The following ANTXR2 variants were observed in gnomAD, a reference collection of about 807,000 sequenced individuals.
ANTXR2 encodes ANTXR cell adhesion molecule 2, also known as anthrax toxin receptor 2.
In ANTXR2, 44 loss-of-function variants were observed where a neutral mutation model predicts 73.7. The observed-to-expected ratio is 0.60, with a 90% CI of 0.47 to 0.77. The LOEUF is 0.77. Ranked by LOEUF, ANTXR2 falls within the 30% of genes least tolerant of loss-of-function variation. The probability of loss-of-function intolerance (pLI) is 0.00; values close to 1 mark genes in which losing one functional copy is unlikely to be tolerated. For missense variants in ANTXR2, 604 were observed against 592.5 expected, an observed-to-expected ratio of 1.02 and a Z score of -0.20; for synonymous variants, 217 against 205.9, an observed-to-expected ratio of 1.05 and a Z score of -0.46.
At chr4:80,039,869 T>C (rs1458379476) in intron 7 of ANTXR2, among the ~76,000 whole-genome samples, 1 of 152,028 alleles carries the variant, frequency 6.6e-6, no homozygotes, top group Non-Finnish European at 1.5e-5. Flanking sequence ...TCAACCTAGG[T>C]GCTCCTCAAC....
chr4:79,989,390 A>G (rs1730356818), intron 12 of ANTXR2, among the ~76,000 whole-genome samples: 1 of 152,044 alleles, frequency 6.6e-6, no homozygotes, highest in African/African-American at 2.4e-5. Context: ...AATCTAGAAA[A>G]ACATGGGTAA....
At chr4:79,965,377 T>C (rs1008290742) in intron 16 of ANTXR2, among the ~76,000 whole-genome samples, 1 of 152,202 alleles carries the variant, frequency 6.6e-6, no homozygotes, top group Admixed American at 6.5e-5. Context: ...GCATGAAGTT[T>C]GTTTTGCCTT....
chr4:79,921,668 T>C (rs1727592689), intron 16 of ANTXR2, among the ~76,000 whole-genome samples: 1 of 152,074 alleles, frequency 6.6e-6, no homozygotes, highest in Non-Finnish European at 1.5e-5. Flanking sequence ...TCTGAAAGCT[T>C]ACGAATAAAA....
intron 12 of ANTXR2, among the ~76,000 whole-genome samples, chr4:80,003,556 TATA>T (rs764360352): frequency 6.6e-6 from 1 of 151,670 alleles, no homozygotes; most frequent in Non-Finnish European, 1.5e-5. Flanking sequence ...AAACTTAAAG[TATA>T]ATAATAATAA....
chr4:80,039,981 T>C (rs562946233), intron 7 of ANTXR2, among the ~76,000 whole-genome samples: 34 of 152,140 alleles, frequency 2.2e-4, no homozygotes, highest in African/African-American at 7.5e-4. Context: ...TGAACGCAGC[T>C]GGAGACCATT....
At chr4:80,009,729 C>A (rs1377965945) in intron 11 of ANTXR2, among the ~76,000 whole-genome samples, 1 of 151,906 alleles carries the variant, frequency 6.6e-6, no homozygotes, top group African/African-American at 2.4e-5. Context: ...CACCTGTAAT[C>A]CCAGCTACTC....
At chr4:80,072,287 G>A (rs1734830507) in intron 1 of ANTXR2, 122 bp downstream of exon 1, 3 of 1,132,850 alleles carry the variant, frequency 2.6e-6, no homozygotes, top group Admixed American at 3.3e-5. Flanking sequence ...GACAGCAACA[G>A]GGCACCCCTC....
chr4:79,977,663 C>A lies in ANTXR2; in HGVS notation c.1386G>T (p.Gln462His). 2 of 1,581,860 alleles carry A rather than the reference C, an allele frequency of 1.3e-6. No homozygotes were observed. Among genetic ancestry groups the A allele is most frequent in the Admixed American group, 1.8e-5 (1 of 55,256 alleles). ...GTCGCATCAAAGAAACCCGGTCATACTGCCGCCTCAACAAAGCCCAGAGAG... is the reference window on the plus strand; with the variant it reads ...GTCGCATCAAAGAAACCCGGTCATAATGCCGCCTCAACAAAGCCCAGAGAG... ...LDALWALLRR[Q>H]YDRVSLMRPQ... The change falls in exon 16 of 17, where the codon CAG becomes CAT. Residue 462 changes from glutamine (Q) to histidine (H), a missense_variant. Physicochemically the swap from Gln to His is conservative, Grantham distance 24. Coordinates refer to ENST00000403729, the MANE Select transcript of ANTXR2 (RefSeq NM_058172.6).
intron 11 of ANTXR2, among the ~76,000 whole-genome samples, chr4:80,012,907 C>T (rs1257170154): frequency 6.6e-6 from 1 of 152,188 alleles, no homozygotes; most frequent in African/African-American, 2.4e-5. Flanking sequence ...TCAGTTTTCT[C>T]ATCTGCAAAA....
chr4:80,061,839 T>C (rs538220725), intron 3 of ANTXR2, among the ~76,000 whole-genome samples: 3 of 152,232 alleles, frequency 2.0e-5, no homozygotes, highest in Admixed American at 6.5e-5. Flanking sequence ...AGAAAAAAAC[T>C]GTATGAAGAG....
intron 16 of ANTXR2, among the ~76,000 whole-genome samples, chr4:79,966,469 T>C (rs1019551419): frequency 6.6e-6 from 1 of 152,184 alleles, no homozygotes; most frequent in Non-Finnish European, 1.5e-5. Context: ...CCCATTTTAA[T>C]ATGATGCATC....
At chr4:79,982,893 G>C (rs1729952440) in intron 14 of ANTXR2, among the ~76,000 whole-genome samples, 1 of 152,094 alleles carries the variant, frequency 6.6e-6, no homozygotes, top group African/African-American at 2.4e-5. Context: ...GTATGTCTGG[G>C]CTTTTTCTGA....
At chr4:79,914,265 G>A (rs1727260338) in intron 16 of ANTXR2, among the ~76,000 whole-genome samples, 1 of 151,992 alleles carries the variant, frequency 6.6e-6, no homozygotes, top group South Asian at 2.1e-4. Flanking sequence ...TTCTCTTTAT[G>A]TCTTGGCTTT....
At chr4:80,032,712 G>A (rs1171801658) in intron 9 of ANTXR2, among the ~76,000 whole-genome samples, 1 of 151,566 alleles carries the variant, frequency 6.6e-6, no homozygotes, top group Non-Finnish European at 1.5e-5. Context: ...AATTTTGAAG[G>A]GCAAATAATA....
At chr4:79,990,798 T>C (rs1293773468) in intron 12 of ANTXR2, among the ~76,000 whole-genome samples, 5 of 151,538 alleles carry the variant, frequency 3.3e-5, no homozygotes, top group African/African-American at 1.2e-4. Context: ...AACCCAGAAA[T>C]AAAGCCACAC....
At chr4:80,028,953 A>T (rs1732561016) in intron 10 of ANTXR2, among the ~76,000 whole-genome samples, 1 of 152,190 alleles carries the variant, frequency 6.6e-6, no homozygotes, top group Admixed American at 6.6e-5. Flanking sequence ...GCTTTGCTTC[A>T]ATGGTATCAT....
intron 12 of ANTXR2, among the ~76,000 whole-genome samples, chr4:80,005,671 T>A (rs201890286): frequency 6.6e-6 from 1 of 152,138 alleles, no homozygotes; most frequent in South Asian, 2.1e-4. Flanking sequence ...CAGCTGTCTA[T>A]ACTTTGTTAG....
chr4:79,962,016 A>T (rs1438767260), intron 16 of ANTXR2, among the ~76,000 whole-genome samples: 5 of 152,164 alleles, frequency 3.3e-5, no homozygotes, highest in East Asian at 1.9e-4. Flanking sequence ...TTTGAAAAAA[A>T]ATATATTTTT....
intron 16 of ANTXR2, among the ~76,000 whole-genome samples, chr4:79,931,451 C>CT (rs1728052538): frequency 1.3e-4 from 2 of 15,034 alleles, no homozygotes; most frequent in African/African-American, 1.2e-3. Flanking sequence ...CTCGCTTCTT[C>CT]TCTCTCTCTC....
Sources: allele counts gnomAD v4.1 joint callset (sites outside exome capture counted in the v4.1 genomes callset), GRCh38; gene constraint gnomAD v4.1.1; transcripts MANE v1.5; gene names NCBI Gene and HGNC (gene_info 2026-07-23, HGNC 2026-07-21).